Variants in CACNA1B observed in about 807,000 individuals in gnomAD.
CACNA1B encodes calcium voltage-gated channel subunit alpha1 B, also known as voltage-dependent N-type calcium channel subunit alpha-1B.
A neutral mutation model predicts 247.2 loss-of-function variants in CACNA1B; 70 were observed. The observed-to-expected ratio is 0.28, with a 90% CI of 0.23 to 0.35. The LOEUF is 0.35. Ranked by LOEUF, CACNA1B falls within the 10% of genes least tolerant of loss-of-function variation. The probability of loss-of-function intolerance (pLI) is 1.00; values close to 1 mark genes in which losing one functional copy is unlikely to be tolerated. For missense variants in CACNA1B, 2,367 were observed against 3,197.4 expected (o/e 0.74, Z 6.26); for synonymous variants, 1,231 against 1,294.4 (o/e 0.95, Z 1.05).
chr9:138,093,754 T>G, intron 36 of CACNA1B, among the ~76,000 whole-genome samples: 1 of 151,908 alleles, frequency 6.6e-6, no homozygotes, highest in East Asian at 1.9e-4. Flanking sequence ...AAAAAACTAA[T>G]AAATTAATTA....
intron 12 of CACNA1B, among the ~76,000 whole-genome samples, chr9:137,980,959 G>A (rs78740496): frequency 6.6e-6 from 1 of 152,200 alleles, no homozygotes; most frequent in Non-Finnish European, 1.5e-5. Flanking sequence ...GTGCTGTGGT[G>A]AACAAATGCA....
chr9:138,049,784 T>C (rs980055217), intron 24 of CACNA1B, among the ~76,000 whole-genome samples: 1 of 152,058 alleles, frequency 6.6e-6, no homozygotes, highest in Non-Finnish European at 1.5e-5. Flanking sequence ...CTTCCCCTTT[T>C]GGGGCATTAG....
At position 137,899,314 on chromosome 9, in the gene CACNA1B, A is replaced by T. The variant is rs1957206382; in HGVS notation, c.531-13866A>T. Among the ~76,000 whole-genome samples the T allele has an allele frequency of 6.6e-6, 1 of 151,844 alleles. No homozygotes were observed. Among genetic ancestry groups the T allele is most frequent in the South Asian group, 2.1e-4 (1 of 4,816 alleles). The stretch of plus-strand genomic sequence containing the variant: ...CACCATGTTGGCCAGGCTGGTCTCG[A>T]ACTCCTGATCTCAGATGATCCACCT... On this transcript the variant is annotated intron_variant, in intron 3 of 46. Coordinates refer to ENST00000371372, the MANE Select transcript of CACNA1B (RefSeq NM_000718.4). This position sits in a 1 kb window ranked among gnomAD's most constrained non-coding sequence, Gnocchi z 5.0.
chr9:137,878,861 C>A (rs1460780513), intron 1 of CACNA1B, among the ~76,000 whole-genome samples, 193 bp from the exon 2 acceptor site: 1 of 152,172 alleles, frequency 6.6e-6, no homozygotes, highest in Non-Finnish European at 1.5e-5. Flanking sequence ...GGCCCCGCCT[C>A]GCGGCCGCCC....
In CACNA1B at chr9:137,974,264, A is replaced by C. The variant is rs1322884577; in HGVS notation, c.1544-1643A>C. On this transcript the variant is annotated intron_variant, in intron 11 of 46. Coordinates refer to ENST00000371372, the MANE Select transcript of CACNA1B (RefSeq NM_000718.4). This position sits in a 1 kb window ranked among gnomAD's most constrained non-coding sequence, Gnocchi z 4.5. Reference sequence around the variant, plus strand: ...GTCTCAGTTGAGGGTGGATCCTTCCATTCCCGAGCAGCCCTGCCTGAGGGT... The same window carrying C: ...GTCTCAGTTGAGGGTGGATCCTTCCCTTCCCGAGCAGCCCTGCCTGAGGGT... Among the ~76,000 whole-genome samples, 1 of 152,174 alleles carries C rather than the reference A, an allele frequency of 6.6e-6. No homozygotes were observed. Among genetic ancestry groups the C allele is most frequent in the Non-Finnish European group, 1.5e-5 (1 of 68,028 alleles).
chr9:137,893,949 G>A (rs748228665), intron 3 of CACNA1B, among the ~76,000 whole-genome samples: 45 of 152,056 alleles, frequency 3.0e-4, no homozygotes, highest in Non-Finnish European at 5.4e-4. Flanking sequence ...CCCTTTACTC[G>A]CTGGCAACCA....
intron 20 of CACNA1B, 88 bp downstream of exon 20, chr9:138,025,260 G>A (rs1269899277): frequency 2.3e-6 from 2 of 851,372 alleles, no homozygotes; most frequent in South Asian, 1.6e-5. Context: ...GCAGCCACTG[G>A]GGACCCAGCC....
Position 137,882,907 on chromosome 9 carries a change from C to G in CACNA1B, c.530+24C>G. On this transcript the variant is annotated intron_variant, in intron 3 of 46. Transcript: ENST00000371372. The surrounding 1 kb of genome is among the most constrained non-coding windows in gnomAD (Gnocchi z 4.0). ...GGGTAGGCAAGCTGAGGCCAGGAGG[C>G]CCAGCGTGTGAGGCCCGGGCGTGTG... 1 of 1,603,794 alleles carries G rather than the reference C, an allele frequency of 6.2e-7. No homozygotes were observed. Among genetic ancestry groups the G allele is most frequent in the African/African-American group, 1.3e-5 (1 of 74,188 alleles).
chr9:137,890,964 T>G (rs1163592965), intron 3 of CACNA1B: 1 of 152,778 alleles, frequency 6.5e-6, no homozygotes, highest in Non-Finnish European at 1.5e-5. Flanking sequence ...GCCATGCTCG[T>G]CTCTCTCCGT....
intron 31 of CACNA1B, among the ~76,000 whole-genome samples, chr9:138,069,283 T>C (rs1048930384): frequency 9.9e-5 from 15 of 152,076 alleles, no homozygotes; most frequent in African/African-American, 3.6e-4. Context: ...AACTTAAAAA[T>C]CAAAATAGAG....
rs1285481466 is a variant in CACNA1B, at chr9:137,913,930, G to A, written c.622+659G>A. ...CTGTTCTACCCTGAGACCTTGCCAG[G>A]CAATGGTTCTGGCCCATATCCAAGT... On this transcript the variant is annotated intron_variant, in intron 4 of 46. Transcript: ENST00000371372. The surrounding 1 kb of genome is among the most constrained non-coding windows in gnomAD (Gnocchi z 5.2). Among the ~76,000 whole-genome samples the A allele has an allele frequency of 6.6e-6, 1 of 152,228 alleles. No homozygotes were observed. The highest frequency in any genetic ancestry group is 6.5e-5 in the Admixed American group (1 of 15,290).
chr9:137,908,551 T>C (rs568509671), intron 3 of CACNA1B, among the ~76,000 whole-genome samples: 1 of 152,238 alleles, frequency 6.6e-6, no homozygotes, highest in Non-Finnish European at 1.5e-5. Flanking sequence ...AAAAAACCTT[T>C]AAGATATAAC....
rs186686677 is a variant in CACNA1B at position 137,907,855 on chromosome 9, C to T, written c.531-5325C>T. The stretch of plus-strand genomic sequence containing the variant: ...TTCCATGCTTAGGTCTTTGATACAC[C>T]TGGAATTTATGTGTGAGTGATGCTT... On this transcript the variant is annotated intron_variant, in intron 3 of 46. Transcript: ENST00000371372. Among the ~76,000 whole-genome samples, 3 of 152,218 alleles carry T rather than the reference C, an allele frequency of 2.0e-5. No individual in the cohort carries two copies. The East Asian group carries it at 5.8e-4, about 29-fold the overall frequency.
In CACNA1B at chr9:137,909,569, T is replaced by C. The variant is rs146882713; in HGVS notation, c.531-3611T>C. Among the ~76,000 whole-genome samples the C allele has an allele frequency of 2.1e-3, 322 of 152,198 alleles. 1 individual carries two copies. Among genetic ancestry groups the C allele is most frequent in the South Asian group, 0.012 (58 of 4,818 alleles). On this transcript the variant is annotated intron_variant, in intron 3 of 46. Transcript: ENST00000371372. Reference sequence around the variant, plus strand: ...TTTGTGGAGGAAGAACAGTTATTCATGTGCATGCCCCACATTGTGCGCACA... The same window carrying C: ...TTTGTGGAGGAAGAACAGTTATTCACGTGCATGCCCCACATTGTGCGCACA...
intron 6 of CACNA1B, among the ~76,000 whole-genome samples, chr9:137,922,558 C>G (rs1721106383): frequency 6.6e-6 from 1 of 152,208 alleles, no homozygotes. Context: ...GGACAACGCC[C>G]TGGAATGCGT....
At chr9:137,999,214 CAG>C (rs1958535286) in intron 15 of CACNA1B, among the ~76,000 whole-genome samples, 1 of 150,118 alleles carries the variant, frequency 6.7e-6, no homozygotes, top group African/African-American at 2.5e-5. Context: ...GCTTGGGTGA[CAG>C]AGTGAGACTC....
chr9:137,972,056 C>T, intron 11 of CACNA1B, among the ~76,000 whole-genome samples: 1 of 151,954 alleles, frequency 6.6e-6, no homozygotes, highest in East Asian at 1.9e-4. Context: ...TCTTACCCTC[C>T]CCAGGTTCCC....
chr9:137,959,642 C>T (rs1222287118), intron 10 of CACNA1B, among the ~76,000 whole-genome samples: 2 of 151,934 alleles, frequency 1.3e-5, no homozygotes, highest in African/African-American at 2.4e-5. Context: ...GAAATCGCCC[C>T]GTTCTCAGGG....
At chr9:138,006,441 C>T (rs879803459) in intron 15 of CACNA1B, among the ~76,000 whole-genome samples, 6 of 152,210 alleles carry the variant, frequency 3.9e-5, no homozygotes, top group Non-Finnish European at 5.9e-5. Context: ...TTCGTCTCTC[C>T]ATGCCTGATC....
Sources: gnomAD v4.1 joint callset for allele counts (sites outside exome capture counted in the v4.1 genomes callset) on GRCh38, gnomAD v4.1.1 for gene constraint, Gnocchi (gnomAD v3.1) non-coding constraint, MANE v1.5 for transcripts, NCBI Gene and HGNC (gene_info 2026-07-23, HGNC 2026-07-21) for gene names.